Variants in ADAR observed in about 807,000 individuals in gnomAD.
ADAR encodes the protein adenosine deaminase RNA specific.
A neutral mutation model predicts 113.2 loss-of-function variants in ADAR; 41 were observed. The ratio of observed to expected loss-of-function variants is 0.36; its 90% confidence interval spans 0.28 to 0.47. The LOEUF is 0.47. Ranked by LOEUF, ADAR falls within the 20% of genes least tolerant of loss-of-function variation. The pLI, the probability that ADAR is intolerant of heterozygous loss-of-function variation, is 1.00. For synonymous variants in ADAR, 605 were observed against 572.6 expected (o/e 1.06, Z -0.81); for missense variants, 1,242 against 1,540.9 (o/e 0.81, Z 3.25).
At chr1:154,610,550 C>T (rs189590139), upstream of ADAR, among the ~76,000 whole-genome samples, 26 of 152,180 alleles carry the variant, frequency 1.7e-4, no homozygotes, top group Admixed American at 7.2e-4. Context: ...GTGGCTCATG[C>T]CTGTAATCCC....
chr1:154,587,659 G>T (rs1394948944), intron 11 of ADAR, among the ~76,000 whole-genome samples: 1 of 152,196 alleles, frequency 6.6e-6, no homozygotes, highest in Non-Finnish European at 1.5e-5. Flanking sequence ...GAGGATAGGA[G>T]AGAAGGAGCC....
chr1:154,609,487 C>T (rs1364733065), upstream of ADAR, among the ~76,000 whole-genome samples: 5 of 152,208 alleles, frequency 3.3e-5, no homozygotes, highest in Non-Finnish European at 7.3e-5. Context: ...CATTCCCTTG[C>T]AGGCTGGGCT....
intron 9 of ADAR, 66 bp from the exon 10 acceptor site, chr1:154,588,739 C>T: frequency 6.2e-7 from 1 of 1,601,786 alleles, no homozygotes; most frequent in Non-Finnish European, 8.5e-7. Context: ...TTTCTATAAT[C>T]TGACCTCCAA....
upstream of ADAR, among the ~76,000 whole-genome samples, chr1:154,610,986 C>A (rs1021765178): frequency 6.6e-6 from 1 of 152,010 alleles, no homozygotes; most frequent in African/African-American, 2.4e-5. Context: ...TATACATTTA[C>A]GTTTTATTCA....
chr1:154,611,328 C>G (rs1280845423), upstream of ADAR, among the ~76,000 whole-genome samples: 1 of 152,162 alleles, frequency 6.6e-6, no homozygotes, highest in African/African-American at 2.4e-5. Context: ...CAGTTTATGC[C>G]TTGAAAGAAC....
rs761422119 is a variant in ADAR, at chr1:154,597,817, G to C, written c.1934+11C>G. The C allele has an allele frequency of 6.2e-7, 1 of 1,613,972 alleles. No individual in the cohort carries two copies. On this transcript the variant is annotated intron_variant, in intron 4 of 14. Coordinates refer to ENST00000368474, the MANE Select transcript of ADAR (RefSeq NM_001111.5). ...AAAACCTCAGCTGGACAGAGGACAC[G>C]TAGGACATACTTGGGTTCATGGGCA... is the stretch of plus-strand genomic sequence containing the variant.
At chr1:154,597,564 CCCA>C (rs1697582274) in intron 4 of ADAR, among the ~76,000 whole-genome samples, 3 of 152,156 alleles carry the variant, frequency 2.0e-5, no homozygotes, top group African/African-American at 7.2e-5. Context: ...ACCTTTCTGT[CCCA>C]CCAACAGTGA....
intron 1 of ADAR, among the ~76,000 whole-genome samples, chr1:154,606,672 G>A (rs925743369): frequency 1.3e-5 from 2 of 152,120 alleles, no homozygotes; most frequent in African/African-American, 4.8e-5. Context: ...TACGGAATAG[G>A]AGAGCAAGAA....
intron 7 of ADAR, 105 bp downstream of exon 7, chr1:154,590,079 G>C (rs1446526773): frequency 1.3e-6 from 2 of 1,490,312 alleles, no homozygotes; most frequent in African/African-American, 2.8e-5. Flanking sequence ...TCGAGGCTAA[G>C]AGTAAAGCCT....
chr1:154,588,700 G>A, intron 9 of ADAR, 27 bp from the exon 10 acceptor site: 2 of 1,613,982 alleles, frequency 1.2e-6, no homozygotes, highest in Non-Finnish European at 1.7e-6. Flanking sequence ...TGGTTAGGAA[G>A]GCAGGTTCAA....
intron 6 of ADAR, among the ~76,000 whole-genome samples, chr1:154,596,186 A>G (rs2101616526): frequency 6.6e-6 from 1 of 152,322 alleles, no homozygotes; most frequent in African/African-American, 2.4e-5. Context: ...AGGGAGGGAA[A>G]CTAGAAGTCT....
rs1440884701 is a variant in ADAR at position 154,597,374 on chromosome 1, A to G, written c.1935-107T>C. 7.5e-6 allele frequency: 10 copies of G among 1,338,632 alleles called. No individual in the cohort carries two copies. In the African/African-American group the frequency reaches 1.4e-4, roughly 19 times the overall value. 82.9% of individuals were successfully genotyped at this position (1,338,632 alleles called of 1,614,324 possible). ...TCCACTACTGGTAATTTCCTTGAACACATCACCTCTGTGCAGTCACATCTC... is the reference window on the plus strand; with the variant it reads ...TCCACTACTGGTAATTTCCTTGAACGCATCACCTCTGTGCAGTCACATCTC... On this transcript the variant is annotated intron_variant, in intron 4 of 14. Transcript: ENST00000368474.
intron 1 of ADAR, among the ~76,000 whole-genome samples, chr1:154,613,221 G>C (rs1200121176): frequency 1.3e-5 from 2 of 150,450 alleles, no homozygotes; most frequent in Non-Finnish European, 3.0e-5. Flanking sequence ...TGGCTGAGTA[G>C]TGCTCTGTGG....
chr1:154,605,858 A>G, intron 1 of ADAR: 1 of 500,264 alleles, frequency 2.0e-6, no homozygotes, highest in Non-Finnish European at 2.6e-6. Context: ...TTGGGAAAAA[A>G]AAATTGTGTT....
At chr1:154,585,413 C>T (rs1022804903) in intron 13 of ADAR, 69 bp from the exon 14 acceptor site, 2 of 1,607,992 alleles carry the variant, frequency 1.2e-6, no homozygotes, top group Non-Finnish European at 1.7e-6. Context: ...AGCAGGGACT[C>T]AAGACTCATA....
At chr1:154,592,694 A>G (rs1305665105) in intron 6 of ADAR, among the ~76,000 whole-genome samples, 1 of 152,088 alleles carries the variant, frequency 6.6e-6, no homozygotes, top group Non-Finnish European at 1.5e-5. Context: ...CTAAGCTGGG[A>G]AAGACTTGGG....
intron 1 of ADAR, among the ~76,000 whole-genome samples, chr1:154,606,987 G>C (rs1038038260): frequency 6.7e-6 from 1 of 150,236 alleles, no homozygotes; most frequent in African/African-American, 2.5e-5. Context: ...ATATAATTTA[G>C]ATACAGTAAA....
intron 11 of ADAR, among the ~76,000 whole-genome samples, chr1:154,587,887 A>G (rs945898012): frequency 4.6e-5 from 7 of 152,150 alleles, no homozygotes; most frequent in Non-Finnish European, 8.8e-5. Flanking sequence ...TGAGCTCCAC[A>G]TGGGAACCCC....
At chr1:154,587,623 T>C (rs1158398704) in intron 11 of ADAR, among the ~76,000 whole-genome samples, 1 of 152,064 alleles carries the variant, frequency 6.6e-6, no homozygotes, top group Non-Finnish European at 1.5e-5. Flanking sequence ...ATGGAGTGGA[T>C]GCGAAGAGAC....
Sources: gnomAD v4.1 joint callset for allele counts (sites outside exome capture counted in the v4.1 genomes callset) on GRCh38, gnomAD v4.1.1 for gene constraint, MANE v1.5 for transcripts, NCBI Gene and HGNC (gene_info 2026-07-23, HGNC 2026-07-21) for gene names.